Variants in TAF4 observed in about 807,000 individuals in gnomAD.
The protein encoded by TAF4 is transcription initiation factor TFIID subunit 4.
Under a neutral mutation model 90.3 loss-of-function variants are expected in TAF4, and 9 were observed. That is an observed-to-expected ratio of 0.10 (90% CI 0.06 to 0.17). The LOEUF is 0.17. Among genes scored for constraint, TAF4 ranks in the 10% least tolerant of loss-of-function variants. The probability of loss-of-function intolerance (pLI) is 1.00; values close to 1 mark genes in which losing one functional copy is unlikely to be tolerated. For missense variants in TAF4, 1,351 were observed against 1,370.7 expected (o/e 0.99, Z 0.23); for synonymous variants, 818 against 638.9 (o/e 1.28, Z -4.23).
At chr20:62,024,645 G>A (rs554883021) in intron 1 of TAF4, among the ~76,000 whole-genome samples, 1 of 152,162 alleles carries the variant, frequency 6.6e-6, no homozygotes, top group Non-Finnish European at 1.5e-5. Flanking sequence ...GAGGAGGACA[G>A]ATCACTTGAG....
chr20:62,048,887 C>T (rs1196586523), intron 1 of TAF4, among the ~76,000 whole-genome samples: 1 of 149,066 alleles, frequency 6.7e-6, no homozygotes, highest in African/African-American at 2.5e-5. Flanking sequence ...GCTCCATTCC[C>T]CCCAGCCCTC....
At chr20:62,007,321 C>T (rs1268668425) in intron 6 of TAF4, among the ~76,000 whole-genome samples, 1 of 152,232 alleles carries the variant, frequency 6.6e-6, no homozygotes, top group South Asian at 2.1e-4. Context: ...CACCACCTTG[C>T]GCACGACAGA....
At chr20:62,056,320 G>A (rs968681937) in intron 1 of TAF4, among the ~76,000 whole-genome samples, 2 of 152,182 alleles carry the variant, frequency 1.3e-5, no homozygotes, top group Non-Finnish European at 2.9e-5. Context: ...CATGAACGAG[G>A]TCTAATTTCA....
At chr20:62,018,801 C>A (rs887869861) in intron 1 of TAF4, among the ~76,000 whole-genome samples, 5 of 152,268 alleles carry the variant, frequency 3.3e-5, no homozygotes, top group African/African-American at 9.6e-5. Flanking sequence ...AGAAACACGA[C>A]ATCCGTCCCA....
chr20:61,988,913 A>T (rs1200852879), intron 14 of TAF4, among the ~76,000 whole-genome samples: 8 of 152,072 alleles, frequency 5.3e-5, no homozygotes, highest in Admixed American at 4.6e-4. Flanking sequence ...TAACACTCAC[A>T]TCCAAAGTTC....
intron 1 of TAF4, among the ~76,000 whole-genome samples, chr20:62,044,797 C>T (rs904333034): frequency 1.3e-5 from 2 of 152,222 alleles, no homozygotes; most frequent in African/African-American, 4.8e-5. Context: ...ACCCCCAGCG[C>T]TGCCGAAACT....
At chr20:62,048,199 C>T (rs1420250478) in intron 1 of TAF4, among the ~76,000 whole-genome samples, 2 of 152,222 alleles carry the variant, frequency 1.3e-5, no homozygotes, top group Non-Finnish European at 2.9e-5. Flanking sequence ...TGGCGCGTGC[C>T]TGCCCAAGTC....
chr20:62,039,051 C>A (rs998634906), intron 1 of TAF4, among the ~76,000 whole-genome samples: 1 of 152,172 alleles, frequency 6.6e-6, no homozygotes, highest in Non-Finnish European at 1.5e-5. Flanking sequence ...GTGAAAAATT[C>A]CGTCTCAAAA....
At chr20:62,049,274 G>T (rs2056012699) in intron 1 of TAF4, among the ~76,000 whole-genome samples, 1 of 152,146 alleles carries the variant, frequency 6.6e-6, no homozygotes, top group Admixed American at 6.5e-5. Context: ...CTGTGCGAGT[G>T]TCTGTGACCT....
intron 9 of TAF4, among the ~76,000 whole-genome samples, chr20:62,002,787 G>A (rs765612133): frequency 2.6e-5 from 4 of 152,176 alleles, no homozygotes; most frequent in South Asian, 2.1e-4. Context: ...GAGCCACTAC[G>A]CCTGGAGCAG....
At chr20:62,046,955 G>A (rs28382011) in intron 1 of TAF4, among the ~76,000 whole-genome samples, 32 of 152,130 alleles carry the variant, frequency 2.1e-4, no homozygotes, top group African/African-American at 7.0e-4. Context: ...TACGTACTCT[G>A]GACACCAGTT....
chr20:62,041,198 C>G (rs141979504), intron 1 of TAF4, among the ~76,000 whole-genome samples: 11 of 152,202 alleles, frequency 7.2e-5, no homozygotes, highest in African/African-American at 2.7e-4. Context: ...CACAAGCAGA[C>G]CCTCTGGGGG....
chr20:61,996,625 C>A (rs1298448399), intron 14 of TAF4, among the ~76,000 whole-genome samples: 1 of 151,420 alleles, frequency 6.6e-6, no homozygotes, highest in African/African-American at 2.4e-5. Flanking sequence ...ATGGTGAAAC[C>A]CCGTCTCTCC....
intron 1 of TAF4, among the ~76,000 whole-genome samples, chr20:62,060,722 T>C (rs2056084821): frequency 6.6e-6 from 1 of 152,234 alleles, no homozygotes; most frequent in East Asian, 1.9e-4. Context: ...TAGCCTAAAG[T>C]GAGCCCTCCA....
chr20:62,020,933 G>C (rs1245262850), intron 1 of TAF4, among the ~76,000 whole-genome samples: 2 of 152,188 alleles, frequency 1.3e-5, no homozygotes, highest in East Asian at 1.9e-4. Flanking sequence ...GCTGGAGCCA[G>C]CGTGAACATG....
At position 61,999,095 on chromosome 20, in the gene TAF4, T is replaced by C. The variant is rs1037495448; in HGVS notation, c.2801A>G (p.Tyr934Cys). 1.9e-6 allele frequency: 3 copies of C among 1,614,116 alleles called. No individual in the cohort carries two copies. The highest frequency in any genetic ancestry group is 2.5e-6 in the Non-Finnish European group (3 of 1,180,016). ...KNFSYKDDDR[Y>C]EQASDVRAQL... The stretch of plus-strand genomic sequence containing the variant: ...TGCCCGGACGTCACTCGCCTGCTCA[T>C]ATCTGTCGTCATCCTATGAAGAAAG... The change falls in exon 12 of 15, where the codon TAT becomes TGT. Residue 934 changes from tyrosine to cysteine, a missense_variant. Physicochemically the swap from Tyr to Cys is radical, Grantham distance 194 (BLOSUM62 -2). Around this residue, in one of 9 missense-constraint regions of TAF4, gnomAD observed 95 missense variants for 151.3 expected, o/e 0.63. Transcript: ENST00000252996.
At chr20:62,024,965 T>C (rs985481127) in intron 1 of TAF4, among the ~76,000 whole-genome samples, 4 of 151,838 alleles carry the variant, frequency 2.6e-5, no homozygotes, top group African/African-American at 7.3e-5. Context: ...ACATCATTAG[T>C]CATTAGGGAG....
At chr20:62,012,158 G>A (rs1057079008) in intron 3 of TAF4, 12 of 152,308 alleles carry the variant, frequency 7.9e-5, no homozygotes, top group African/African-American at 2.7e-4. Flanking sequence ...AGAAACCAGC[G>A]GCCACCAGGG....
intron 2 of TAF4, among the ~76,000 whole-genome samples, chr20:62,014,044 GTATGTGT>G (rs2055798435): frequency 7.6e-6 from 1 of 131,230 alleles, no homozygotes; most frequent in African/African-American, 3.8e-5. Flanking sequence ...GTGTGTGTGT[GTATGTGT>G]GTGTGTGTGT....
Sources: gnomAD v4.1 joint callset for allele counts (sites outside exome capture counted in the v4.1 genomes callset) on GRCh38, gnomAD v4.1.1 for gene constraint, gnomAD v4.1.1 regional missense constraint, MANE v1.5 for transcripts, NCBI Gene and HGNC (gene_info 2026-07-23, HGNC 2026-07-21) for gene names.